LRBA: variants seen among roughly 807,000 people sequenced by gnomAD.
LRBA encodes lipopolysaccharide-responsive and beige-like anchor protein.
LRBA carries 176 observed loss-of-function variants against 330.0 expected under a neutral mutation model. The observed-to-expected ratio is 0.53, with a 90% CI of 0.47 to 0.60. The LOEUF (loss-of-function observed/expected upper bound fraction) is 0.60, where lower values mean the gene tolerates loss of function less well. LRBA is among the 20% of genes least tolerant of loss of function. The pLI, the probability that LRBA is intolerant of heterozygous loss-of-function variation, is 0.00. For missense variants in LRBA, 3,259 were observed against 3,444.8 expected, an observed-to-expected ratio of 0.95 and a Z score of 1.35; for synonymous variants, 1,230 against 1,193.0, an observed-to-expected ratio of 1.03 and a Z score of -0.64.
At chr4:150,609,712 C>A (rs895501907) in intron 37 of LRBA, among the ~76,000 whole-genome samples, 1 of 152,170 alleles carries the variant, frequency 6.6e-6, no homozygotes, top group Non-Finnish European at 1.5e-5. Context: ...ATATTGATCT[C>A]CTCTTCAAAA....
chr4:150,470,561 C>T (rs909093442), intron 43 of LRBA, among the ~76,000 whole-genome samples: 1 of 152,086 alleles, frequency 6.6e-6, no homozygotes, highest in Admixed American at 6.6e-5. Flanking sequence ...TTGACCTATA[C>T]TTCCAAAAAC....
intron 37 of LRBA, among the ~76,000 whole-genome samples, chr4:150,605,905 C>T (rs1774574467): frequency 6.6e-6 from 1 of 151,942 alleles, no homozygotes; most frequent in East Asian, 1.9e-4. Context: ...AAAAACAAAC[C>T]CTTCAATTGT....
Position 150,817,259 on chromosome 4 carries a change from T to C in LRBA, c.5172-2A>G. The C allele has an allele frequency of 6.2e-7, 1 of 1,611,318 alleles. No homozygotes were observed. The highest frequency in any genetic ancestry group is 1.7e-5 in the Admixed American group (1 of 59,814). ...TTTTTTGCTGCAACAATGACACTTC[T>C]GTAATAAAGAAAGTAAACAGACTGA... On this transcript the variant is annotated splice_acceptor_variant, in intron 30 of 56. Coordinates refer to ENST00000651943, the MANE Select transcript of LRBA (RefSeq NM_001364905.1). LOFTEE classifies it high-confidence loss of function.
intron 37 of LRBA, among the ~76,000 whole-genome samples, chr4:150,623,418 T>C (rs1024176293): frequency 1.3e-5 from 2 of 152,230 alleles, no homozygotes; most frequent in African/African-American, 2.4e-5. Flanking sequence ...TAAAATAAAC[T>C]ATATATTTTC....
intron 44 of LRBA, among the ~76,000 whole-genome samples, chr4:150,463,781 C>T (rs757989659): frequency 4.4e-4 from 67 of 152,024 alleles, no homozygotes; most frequent in Non-Finnish European, 8.7e-4. Flanking sequence ...TAGCATTTTT[C>T]TGATATAATT....
At chr4:150,505,796 G>T (rs563031175) in intron 40 of LRBA, among the ~76,000 whole-genome samples, 4 of 152,244 alleles carry the variant, frequency 2.6e-5, no homozygotes, top group Non-Finnish European at 1.5e-5. Flanking sequence ...CCAGGAGTTG[G>T]TTTTTTGAAA....
At chr4:150,385,518 G>C (rs1163170409) in intron 47 of LRBA, among the ~76,000 whole-genome samples, 2 of 152,084 alleles carry the variant, frequency 1.3e-5, no homozygotes, top group African/African-American at 2.4e-5. Flanking sequence ...GGAGATTAAA[G>C]AGAGTAAGAG....
At chr4:150,590,150 G>A (rs759742559) in intron 39 of LRBA, among the ~76,000 whole-genome samples, 29 of 152,156 alleles carry the variant, frequency 1.9e-4, no homozygotes, top group South Asian at 4.2e-4. Context: ...TAAAATTTCC[G>A]GCTAAACAAG....
intron 40 of LRBA, among the ~76,000 whole-genome samples, chr4:150,578,499 AT>A (rs1770823005): frequency 6.6e-6 from 1 of 152,196 alleles, no homozygotes; most frequent in Non-Finnish European, 1.5e-5. Context: ...TCCATTAATA[AT>A]TAAAAGTTTA....
chr4:150,608,877 TTC>T (rs769414226), intron 37 of LRBA, among the ~76,000 whole-genome samples: 9 of 152,248 alleles, frequency 5.9e-5, no homozygotes, highest in Non-Finnish European at 1.2e-4. Context: ...TGTGACTGGC[TTC>T]TTTCACTCAG....
At chr4:150,898,833 C>G (rs947022675) in intron 14 of LRBA, among the ~76,000 whole-genome samples, 3 of 152,070 alleles carry the variant, frequency 2.0e-5, no homozygotes, top group African/African-American at 7.2e-5. Flanking sequence ...AAATTCTGAC[C>G]CGGTTCTGGA....
chr4:151,002,818 C>A (rs1178914945), intron 2 of LRBA, among the ~76,000 whole-genome samples: 1 of 151,480 alleles, frequency 6.6e-6, no homozygotes, highest in Non-Finnish European at 1.5e-5. Context: ...TCGAAGCCAG[C>A]CTGGGCAACA....
At chr4:150,395,490 A>C (rs1295290043) in intron 47 of LRBA, among the ~76,000 whole-genome samples, 2 of 152,010 alleles carry the variant, frequency 1.3e-5, no homozygotes, top group East Asian at 3.9e-4. Flanking sequence ...TTTAACTGTT[A>C]TGGCCTCCTA....
chr4:150,486,067 A>T (rs1484177176), intron 42 of LRBA, among the ~76,000 whole-genome samples: 1 of 151,780 alleles, frequency 6.6e-6, no homozygotes, highest in African/African-American at 2.4e-5. Flanking sequence ...TTGCTAAGAG[A>T]GTAGATCTTA....
chr4:150,896,468 T>G lies in LRBA; in HGVS notation c.2005-12A>C, dbSNP rs974541747. On this transcript the variant is annotated splice_polypyrimidine_tract_variant and intron_variant, in intron 15 of 56. Transcript: ENST00000651943. ...TTTACTCCAGAATCCTTCAAAAACATAATACAGGTATCTTACGTTTACATG... is the reference window on the plus strand; with the variant it reads ...TTTACTCCAGAATCCTTCAAAAACAGAATACAGGTATCTTACGTTTACATG... The G allele has an allele frequency of 7.1e-7, 1 of 1,412,864 alleles. No individual in the cohort carries two copies. Among genetic ancestry groups the G allele is most frequent in the East Asian group, 2.4e-5 (1 of 42,142 alleles). 87.5% of individuals were successfully genotyped at this position (1,412,864 alleles called of 1,614,324 possible).
At chr4:150,680,472 AAAC>A (rs1400783307) in intron 37 of LRBA, among the ~76,000 whole-genome samples, 1 of 152,220 alleles carries the variant, frequency 6.6e-6, no homozygotes, top group African/African-American at 2.4e-5. Context: ...TGCTGTGAGG[AAAC>A]AACAATTCCC....
At chr4:150,832,870 A>T (rs1453712794) in intron 28 of LRBA, among the ~76,000 whole-genome samples, 1 of 152,124 alleles carries the variant, frequency 6.6e-6, no homozygotes, top group Non-Finnish European at 1.5e-5. Context: ...CCCATGCTCA[A>T]GAGATCTTCC....
At chr4:150,810,305 A>C (rs903554221) in intron 31 of LRBA, among the ~76,000 whole-genome samples, 1 of 152,210 alleles carries the variant, frequency 6.6e-6, no homozygotes, top group African/African-American at 2.4e-5. Flanking sequence ...TAACCTCTGG[A>C]TAATTACTGA....
Position 150,848,834 on chromosome 4 carries a change from C to T in LRBA, c.4323G>A (p.Arg1441=), listed in dbSNP as rs145003932. The T allele has an allele frequency of 1.4e-5, 23 of 1,604,494 alleles. No individual in the cohort carries two copies. The highest frequency in any genetic ancestry group is 1.1e-4 in the East Asian group (5 of 44,784). The part of the protein sequence containing the change: ...EKSMSSGGIL[R]QCLRLVCAVA... ...GCAGCTCACCTAGTCGGAGACACTG[C>T]CGCAAAATTCCTCCAGATGACATAC... Residue 1441 remains arginine (R), a synonymous_variant, in exon 26 of 57, where the codon CGG becomes CGA. Coordinates refer to ENST00000651943, the MANE Select transcript of LRBA (RefSeq NM_001364905.1).
Sources: allele counts gnomAD v4.1 joint callset (sites outside exome capture counted in the v4.1 genomes callset), GRCh38; gene constraint gnomAD v4.1.1; transcripts MANE v1.5; gene names NCBI Gene and HGNC (gene_info 2026-07-23, HGNC 2026-07-21).